The following CEP70 variants were observed in gnomAD, a reference collection of about 807,000 sequenced individuals.
CEP70 encodes centrosomal protein of 70 kDa.
A neutral mutation model predicts 90.9 loss-of-function variants in CEP70; 70 were observed. The observed-to-expected ratio is 0.77, with a 90% CI of 0.64 to 0.94. CEP70 has a LOEUF of 0.94. CEP70 is among the 40% of genes least tolerant of loss of function. The pLI is 0.00. For synonymous variants in CEP70, 220 were observed against 228.3 expected (o/e 0.96, Z 0.33); for missense variants, 648 against 669.0 (o/e 0.97, Z 0.35).
At chr3:138,518,437 G>C (rs976084445) in intron 11 of CEP70, among the ~76,000 whole-genome samples, 1 of 152,170 alleles carries the variant, frequency 6.6e-6, no homozygotes, top group Non-Finnish European at 1.5e-5. Flanking sequence ...CCTCCCAGTA[G>C]GGGCAGACTG....
chr3:138,523,712 A>G (rs972828432), intron 11 of CEP70, among the ~76,000 whole-genome samples: 1 of 152,198 alleles, frequency 6.6e-6, no homozygotes, highest in Non-Finnish European at 1.5e-5. Context: ...CCACTGCTCA[A>G]TGAAATAAAA....
intron 6 of CEP70, among the ~76,000 whole-genome samples, chr3:138,543,997 A>C (rs2038968988): frequency 6.6e-6 from 1 of 152,138 alleles, no homozygotes; most frequent in African/African-American, 2.4e-5. Flanking sequence ...TATCTATTTA[A>C]AGTAACCTGT....
At chr3:138,562,090 G>A (rs2040452017) in intron 6 of CEP70, among the ~76,000 whole-genome samples, 1 of 149,910 alleles carries the variant, frequency 6.7e-6, no homozygotes, top group African/African-American at 2.4e-5. Context: ...TGATCAAGCA[G>A]AAGAAAGGAT....
At chr3:138,499,323 C>T (rs2034257201) in intron 16 of CEP70, among the ~76,000 whole-genome samples, 1 of 152,088 alleles carries the variant, frequency 6.6e-6, no homozygotes, top group South Asian at 2.1e-4. Flanking sequence ...AAAATACCAG[C>T]TTTTATGTTA....
intron 2 of CEP70, among the ~76,000 whole-genome samples, chr3:138,577,242 G>A (rs2041594565): frequency 6.6e-6 from 1 of 152,174 alleles, no homozygotes; most frequent in African/African-American, 2.4e-5. Flanking sequence ...AGTACCTAAT[G>A]TAAACGACGA....
chr3:138,573,378 A>G (rs543794598), intron 2 of CEP70, among the ~76,000 whole-genome samples: 17 of 151,334 alleles, frequency 1.1e-4, no homozygotes, highest in African/African-American at 4.1e-4. Context: ...ACTGGGATAC[A>G]GTAAAAAAAA....
intron 8 of CEP70, chr3:138,531,545 G>C (rs1026576671): frequency 1.3e-5 from 2 of 152,114 alleles, no homozygotes; most frequent in African/African-American, 4.8e-5. Flanking sequence ...TCCTATCTTT[G>C]TAGAATCTCC....
rs187507764 is a variant in CEP70, at chr3:138,505,310, T to A, written c.1206A>T (p.Gln402His). The change falls in exon 13 of 18, where the codon CAA becomes CAT. Residue 402 changes from glutamine to histidine, a missense_variant. Transcript: ENST00000264982. ...AACCCCTTACCTTTAAGGATGTCAG[T>A]TGATCTGCCCACATTTCTATTACAG... ...LVPVIEMWADQLTSLKDLYKS... is the reference protein window; with the variant it reads ...LVPVIEMWADHLTSLKDLYKS... 48 of 1,608,928 alleles carry A rather than the reference T, an allele frequency of 3.0e-5. No homozygotes were observed. Among genetic ancestry groups the A allele is most frequent in the Non-Finnish European group, 3.9e-5 (46 of 1,177,796 alleles).
intron 2 of CEP70, among the ~76,000 whole-genome samples, chr3:138,573,600 C>T (rs925092151): frequency 3.3e-5 from 5 of 152,182 alleles, no homozygotes; most frequent in African/African-American, 4.8e-5. Context: ...TCTAAAGAAG[C>T]TGCTTCATGC....
intron 6 of CEP70, among the ~76,000 whole-genome samples, chr3:138,542,006 T>C (rs1036917220): frequency 5.3e-5 from 8 of 152,332 alleles, no homozygotes; most frequent in African/African-American, 1.9e-4. Flanking sequence ...TGCTTGAGTT[T>C]TGCTCACACC....
rs761364807 is a variant in CEP70 at position 138,591,904 on chromosome 3, A to G, written c.-56T>C. ...ACTTTACACCTGGTCATTCAGGTTGATCTCAATGAAATGATCACCCAACGA... is the reference window on the plus strand; with the variant it reads ...ACTTTACACCTGGTCATTCAGGTTGGTCTCAATGAAATGATCACCCAACGA... On this transcript the variant is annotated 5_prime_UTR_variant, in exon 2 of 18. Coordinates refer to ENST00000264982, the MANE Select transcript of CEP70 (RefSeq NM_024491.4). The G allele has an allele frequency of 2.7e-6, 4 of 1,471,570 alleles. No individual in the cohort carries two copies. In the South Asian group the frequency reaches 5.3e-5, roughly 19 times the overall value. The allele number at this position is 1,471,570 out of a possible 1,614,324, so 91.2% of individuals were successfully genotyped here.
intron 2 of CEP70, among the ~76,000 whole-genome samples, chr3:138,581,793 A>G (rs762403597): frequency 3.3e-5 from 5 of 151,872 alleles, no homozygotes; most frequent in Non-Finnish European, 7.4e-5. Flanking sequence ...ACAGAAAGAT[A>G]TCAATATTCA....
At position 138,532,547 on chromosome 3, in the gene CEP70, T is replaced by C. The variant is rs1219724743; in HGVS notation, c.659A>G (p.Tyr220Cys). ...DRQLLCLIDY[Y>C]ESKIRKIHTQ... The stretch of plus-strand genomic sequence containing the variant: ...ATGAATTTTTCTAATTTTAGATTCA[T>C]AGTAATCAATTAGACAAAGCAACCT... Residue 220 changes from tyrosine (Y) to cysteine (C), a missense_variant, in exon 8 of 18, where the codon TAT becomes TGT. Physicochemically the swap from Tyr to Cys is radical, Grantham distance 194. Transcript: ENST00000264982. The C allele has an allele frequency of 2.6e-6, 4 of 1,510,064 alleles. No individual in the cohort carries two copies. The highest frequency in any genetic ancestry group is 2.5e-5 in the East Asian group (1 of 39,812). The allele number at this position is 1,510,064 out of a possible 1,614,324, so 93.5% of individuals were successfully genotyped here.
chr3:138,594,076 C>G (rs1433314569), intron 1 of CEP70, 122 bp downstream of exon 1: 4 of 152,304 alleles, frequency 2.6e-5, no homozygotes, highest in Admixed American at 6.5e-5. Context: ...CGACCCTGTC[C>G]CAGATGGCTC....
chr3:138,554,076 C>T (rs934950072), intron 6 of CEP70, among the ~76,000 whole-genome samples: 5 of 151,916 alleles, frequency 3.3e-5, no homozygotes, highest in African/African-American at 7.3e-5. Flanking sequence ...TGGTGCATGC[C>T]TGTAATCCCA....
chr3:138,557,709 T>C (rs1056903861), intron 6 of CEP70, among the ~76,000 whole-genome samples: 11 of 152,136 alleles, frequency 7.2e-5, no homozygotes, highest in Non-Finnish European at 1.0e-4. Context: ...TTGGGTTCAG[T>C]GTATACTGCT....
In CEP70 at chr3:138,554,284, A is replaced by G. The variant is rs145364414; in HGVS notation, c.465+16034T>C. On this transcript the variant is annotated intron_variant, in intron 6 of 17. Transcript: ENST00000264982. The stretch of plus-strand genomic sequence containing the variant: ...ACAAGGGACATACCTCAAAGTAATA[A>G]AAGCCATCTATGATAAATCCACAGC... Among the ~76,000 whole-genome samples, 279 of 152,288 alleles carry G rather than the reference A, an allele frequency of 1.8e-3. 1 individual carries two copies. Among genetic ancestry groups the G allele is most frequent in the Admixed American group, 3.7e-3 (57 of 15,290 alleles).
intron 11 of CEP70, among the ~76,000 whole-genome samples, chr3:138,510,702 T>C (rs2035448521): frequency 6.6e-6 from 1 of 152,090 alleles, no homozygotes; most frequent in Non-Finnish European, 1.5e-5. Context: ...GAAGGATTAT[T>C]ACGAGACTAC....
rs569327479 is a variant in CEP70, at chr3:138,537,209, T to G, written c.604A>C (p.Lys202Gln). The G allele has an allele frequency of 1.3e-6, 2 of 1,596,544 alleles. No individual in the cohort carries two copies. The highest frequency in any genetic ancestry group is 1.8e-5 in the Admixed American group (1 of 56,502). The change falls in exon 7 of 18, where the codon AAA (lysine) becomes CAA (glutamine). Residue 202 changes from lysine to glutamine, a missense_variant. By Grantham distance (53) the Lys-to-Gln change is moderately conservative. Transcript: ENST00000264982. ...TQNRVFAYLC[K>Q]RVPHTVLDRQ... ...TCCAAGACGGTATGAGGAACTCTTT[T>G]GCACAGATAGGCAAACACTCTGTTT...
Sources: gnomAD v4.1 joint callset for allele counts (sites outside exome capture counted in the v4.1 genomes callset) on GRCh38, gnomAD v4.1.1 for gene constraint, MANE v1.5 for transcripts, NCBI Gene and HGNC (gene_info 2026-07-23, HGNC 2026-07-21) for gene names.